LRPPRC: variants seen among roughly 807,000 people sequenced by gnomAD.
LRPPRC encodes the protein leucine-rich PPR motif-containing protein, mitochondrial.
In LRPPRC, 120 loss-of-function variants were observed where a neutral mutation model predicts 180.3. That is an observed-to-expected ratio of 0.67 (90% CI 0.57 to 0.77). LRPPRC has a LOEUF of 0.77. Among genes scored for constraint, LRPPRC ranks in the 30% least tolerant of loss-of-function variants. The pLI, the probability that LRPPRC is intolerant of heterozygous loss-of-function variation, is 0.00. For synonymous variants in LRPPRC, 723 were observed against 600.0 expected (o/e 1.21, Z -3.00); for missense variants, 2,012 against 1,657.2 (o/e 1.21, Z -3.72).
At chr2:43,958,502 A>G (rs560314957) in intron 13 of LRPPRC, among the ~76,000 whole-genome samples, 1 of 152,322 alleles carries the variant, frequency 6.6e-6, no homozygotes, top group African/African-American at 2.4e-5. Context: ...CAGCTGCTAT[A>G]TTCCTTGAAC....
intron 14 of LRPPRC, among the ~76,000 whole-genome samples, chr2:43,956,997 G>T (rs1227930563): frequency 2.6e-5 from 4 of 152,148 alleles, no homozygotes; most frequent in East Asian, 1.9e-4. Flanking sequence ...GAAGGGCAAG[G>T]TCATTAACAT....
intron 27 of LRPPRC, among the ~76,000 whole-genome samples, chr2:43,920,056 T>C (rs1012899566): frequency 7.0e-6 from 1 of 142,462 alleles, no homozygotes; most frequent in Non-Finnish European, 1.5e-5. Flanking sequence ...AGCATACTCA[T>C]TCTTCATGGG....
At chr2:43,893,297 T>C (rs370507409) in intron 36 of LRPPRC, among the ~76,000 whole-genome samples, 11 of 152,334 alleles carry the variant, frequency 7.2e-5, no homozygotes, top group South Asian at 2.1e-4. Flanking sequence ...TTTGAGAAGA[T>C]TGATTCCAAT....
intron 32 of LRPPRC, among the ~76,000 whole-genome samples, chr2:43,899,989 G>A (rs1330543628): frequency 6.6e-6 from 1 of 152,068 alleles, no homozygotes; most frequent in Non-Finnish European, 1.5e-5. Context: ...ATGAAAACTT[G>A]TATAAATGCT....
chr2:43,936,414 G>T (rs1361079389), intron 23 of LRPPRC, among the ~76,000 whole-genome samples: 1 of 152,198 alleles, frequency 6.6e-6, no homozygotes, highest in African/African-American at 2.4e-5. Flanking sequence ...CATGGTTAGA[G>T]ACATGGCTCC....
chr2:43,892,474 C>T (rs1010032120), intron 36 of LRPPRC, among the ~76,000 whole-genome samples: 7 of 152,114 alleles, frequency 4.6e-5, no homozygotes, highest in African/African-American at 1.7e-4. Context: ...ACATGGTTCA[C>T]TGAGTATTTA....
intron 11 of LRPPRC, among the ~76,000 whole-genome samples, chr2:43,967,869 A>C (rs1673631358): frequency 1.3e-5 from 2 of 152,208 alleles, no homozygotes; most frequent in South Asian, 4.1e-4. Context: ...AACAACCTTG[A>C]TAACTACCAT....
At chr2:43,940,390 A>C (rs1672435392) in intron 23 of LRPPRC, among the ~76,000 whole-genome samples, 1 of 152,198 alleles carries the variant, frequency 6.6e-6, no homozygotes, top group Non-Finnish European at 1.5e-5. Flanking sequence ...TAACATATTA[A>C]AGTGTTACAG....
intron 29 of LRPPRC, among the ~76,000 whole-genome samples, chr2:43,913,822 T>C (rs1383586574): frequency 2.0e-5 from 3 of 152,132 alleles, no homozygotes; most frequent in Non-Finnish European, 4.4e-5. Context: ...AAACGGAAAA[T>C]AAAAACACGC....
intron 1 of LRPPRC, among the ~76,000 whole-genome samples, chr2:43,983,168 G>T (rs1460295834): frequency 1.3e-5 from 2 of 152,086 alleles, no homozygotes; most frequent in African/African-American, 4.8e-5. Context: ...ATTAGGTATG[G>T]TCAGAATAGT....
intron 1 of LRPPRC, among the ~76,000 whole-genome samples, chr2:43,993,334 G>A (rs140650804): frequency 4.7e-4 from 71 of 152,196 alleles, no homozygotes; most frequent in African/African-American, 1.6e-3. Context: ...TGTCCCTCGA[G>A]GCACCTTAAG....
At chr2:43,939,971 C>T (rs903186635) in intron 23 of LRPPRC, among the ~76,000 whole-genome samples, 4 of 152,198 alleles carry the variant, frequency 2.6e-5, no homozygotes, top group African/African-American at 9.7e-5. Flanking sequence ...TCAGGCTCAA[C>T]AGGATTTTCT....
chr2:43,974,361 T>A, intron 8 of LRPPRC, 66 bp from the exon 9 acceptor site: 5 of 1,181,276 alleles, frequency 4.2e-6, no homozygotes, highest in Non-Finnish European at 6.4e-6. Context: ...GCAACCAATG[T>A]TCCAATACTG....
At chr2:43,915,053 CAAAAAAAAAA>C (rs71393213) in intron 29 of LRPPRC, among the ~76,000 whole-genome samples, 54,364 of 97,106 alleles carry the variant, frequency 0.56, 11,855 homozygotes, top group East Asian at 0.86. Context: ...ACTAAAAATA[CAAAAAAAAAA>C]AAAAAAAAAA....
chr2:43,908,737 G>T (rs1321543547), intron 30 of LRPPRC, among the ~76,000 whole-genome samples: 1 of 152,164 alleles, frequency 6.6e-6, no homozygotes, highest in South Asian at 2.1e-4. Context: ...AAGTTGGCCA[G>T]GCTGGTCTTG....
rs1405179301 is a variant in LRPPRC at position 43,887,695 on chromosome 2, A to AT, written c.*904dup. On this transcript the variant is annotated 3_prime_UTR_variant, in exon 38 of 38. Coordinates refer to ENST00000260665, the MANE Select transcript of LRPPRC (RefSeq NM_133259.4). ...AACTCTCCTGACTACCTATCTTAGA[A>AT]TTTTTTTGAAGTCACTACTTACAGT... is the stretch of plus-strand genomic sequence containing the variant. 1 of 152,204 alleles carries AT rather than the reference A, an allele frequency of 6.6e-6. No homozygotes were observed. Among genetic ancestry groups the AT allele is most frequent in the Non-Finnish European group, 1.5e-5 (1 of 68,030 alleles). 9.4% of individuals were successfully genotyped at this position (152,204 alleles called of 1,614,324 possible).
chr2:43,959,494 A>G (rs1195296409), intron 13 of LRPPRC, among the ~76,000 whole-genome samples: 1 of 152,240 alleles, frequency 6.6e-6, no homozygotes, highest in Non-Finnish European at 1.5e-5. Flanking sequence ...AAAATTAATT[A>G]TGTCTGTGTT....
intron 12 of LRPPRC, 35 bp downstream of exon 12, chr2:43,963,553 T>C: frequency 8.1e-7 from 1 of 1,231,502 alleles, no homozygotes; most frequent in Non-Finnish European, 1.2e-6. Context: ...AGATATCCTC[T>C]TCAATTATTA....
chr2:43,924,572 T>C (rs989486132), intron 27 of LRPPRC, among the ~76,000 whole-genome samples: 1 of 152,158 alleles, frequency 6.6e-6, no homozygotes, highest in Non-Finnish European at 1.5e-5. Flanking sequence ...TGATTAAATA[T>C]AGAAAAATGT....
Sources: gnomAD v4.1 joint callset for allele counts (sites outside exome capture counted in the v4.1 genomes callset) on GRCh38, gnomAD v4.1.1 for gene constraint, MANE v1.5 for transcripts, NCBI Gene and HGNC (gene_info 2026-07-23, HGNC 2026-07-21) for gene names.